The following INPP5D variants were observed in gnomAD, a reference collection of about 807,000 sequenced individuals.
The protein encoded by INPP5D is phosphatidylinositol 3,4,5-trisphosphate 5-phosphatase 1.
INPP5D carries 33 observed loss-of-function variants against 122.9 expected under a neutral mutation model. The ratio of observed to expected loss-of-function variants is 0.27; its 90% CI spans 0.20 to 0.36. INPP5D has a LOEUF of 0.36. INPP5D is among the 10% of genes least tolerant of loss of function. The pLI is 1.00. For synonymous variants in INPP5D, 584 were observed against 576.2 expected (o/e 1.01, Z -0.19); for missense variants, 1,053 against 1,412.7 (o/e 0.75, Z 4.08).
chr2:233,060,674 G>C (rs1691047321), intron 1 of INPP5D, 62 bp downstream of exon 1: 4 of 1,593,106 alleles, frequency 2.5e-6, no homozygotes, highest in South Asian at 2.2e-5. Context: ...AGGGGGCCCA[G>C]CTTTGAGATG....
At chr2:233,187,562 T>C (rs1301883260) in intron 21 of INPP5D, among the ~76,000 whole-genome samples, 1 of 152,162 alleles carries the variant, frequency 6.6e-6, no homozygotes, top group Non-Finnish European at 1.5e-5. Context: ...TGGAACCAAC[T>C]CTCAGGCCAT....
intron 9 of INPP5D, among the ~76,000 whole-genome samples, chr2:233,155,335 G>A (rs1400278120): frequency 6.6e-6 from 1 of 152,104 alleles, no homozygotes; most frequent in African/African-American, 2.4e-5. Flanking sequence ...TAAAAGACCA[G>A]ATCAGGGCTG....
At chr2:233,154,116 G>A (rs899072620) in intron 9 of INPP5D, among the ~76,000 whole-genome samples, 4 of 152,012 alleles carry the variant, frequency 2.6e-5, no homozygotes, top group African/African-American at 4.8e-5. Context: ...AGGAAACAGG[G>A]GACACAAAGA....
chr2:233,148,942 A>G (rs1693848603), intron 9 of INPP5D, among the ~76,000 whole-genome samples: 1 of 152,190 alleles, frequency 6.6e-6, no homozygotes, highest in South Asian at 2.1e-4. Context: ...GAGGCCCAGT[A>G]AAATTTGAAT....
Position 233,130,520 on chromosome 2 carries a change from G to A in INPP5D, c.537G>A (p.Glu179=), listed in dbSNP as rs1180756808. 1 of 1,613,434 alleles carries A rather than the reference G, an allele frequency of 6.2e-7. No individual in the cohort carries two copies. The highest frequency in any genetic ancestry group is 8.5e-7 in the Non-Finnish European group (1 of 1,179,780). Reference sequence around the variant, plus strand: ...TTCTTTTCTTTAGGCTTCCAGAAGAGCATCTTAAGGCCATCCAAGATTATT... The same window carrying A: ...TTCTTTTCTTTAGGCTTCCAGAAGAACATCTTAAGGCCATCCAAGATTATT... ...QSMDTSGLPE[E]HLKAIQDYLS... The change falls in exon 5 of 27, where the codon GAG becomes GAA. Residue 179 remains glutamate, a synonymous_variant. Coordinates refer to ENST00000445964, the MANE Select transcript of INPP5D (RefSeq NM_001017915.3).
chr2:233,205,909 T>A (rs1247665199), intron 26 of INPP5D, among the ~76,000 whole-genome samples: 1 of 151,982 alleles, frequency 6.6e-6, no homozygotes, highest in Non-Finnish European at 1.5e-5. Context: ...TGAAACCCTG[T>A]CTCTATTAAA....
Position 233,158,298 on chromosome 2 carries a change from T to C in INPP5D, c.1031-15T>C, listed in dbSNP as rs771606267. ...TGAGTGGATGAATGAATTAATGAAT[T>C]TCTTTTCTCTTAAGTCCTGCAGCTC... On this transcript the variant is annotated splice_polypyrimidine_tract_variant and intron_variant, in intron 9 of 26. Transcript: ENST00000445964. 10 of 697,570 alleles carry C rather than the reference T, an allele frequency of 1.4e-5. No individual in the cohort carries two copies. In the South Asian group the frequency reaches 1.5e-4, roughly 10 times the overall value. 43.2% of individuals were successfully genotyped at this position (697,570 alleles called of 1,614,324 possible). A position where few individuals can be genotyped will look rare whatever the true frequency, so the allele number is the denominator to read the frequency against.
At chr2:233,163,060 T>C (rs1256739003) in intron 11 of INPP5D, among the ~76,000 whole-genome samples, 1 of 152,154 alleles carries the variant, frequency 6.6e-6, no homozygotes, top group East Asian at 1.9e-4. Context: ...TTAGCCACAG[T>C]CCATTTACTC....
intron 21 of INPP5D, among the ~76,000 whole-genome samples, chr2:233,187,478 A>G (rs781408449): frequency 2.6e-5 from 4 of 152,292 alleles, no homozygotes; most frequent in Non-Finnish European, 4.4e-5. Context: ...CAGAGGGACC[A>G]TTCTCTCCTG....
rs536689097 is a variant in INPP5D, at chr2:233,158,806, C to T, written c.1137+387C>T. Among the ~76,000 whole-genome samples, 6 of 152,144 alleles carry T rather than the reference C, an allele frequency of 3.9e-5. No individual in the cohort carries two copies. In the South Asian group the frequency reaches 1.2e-3, roughly 32 times the overall value. On this transcript the variant is annotated intron_variant, in intron 10 of 26. Coordinates refer to ENST00000445964, the MANE Select transcript of INPP5D (RefSeq NM_001017915.3). ...TGATTGACTGACTGACTTGAGACAGCGTCTCGCTTTACCATCTAGGCTAGT... is the reference window on the plus strand; with the variant it reads ...TGATTGACTGACTGACTTGAGACAGTGTCTCGCTTTACCATCTAGGCTAGT...
At chr2:233,114,274 C>A (rs1426595510) in intron 2 of INPP5D, among the ~76,000 whole-genome samples, 1 of 152,266 alleles carries the variant, frequency 6.6e-6, no homozygotes, top group East Asian at 1.9e-4. Context: ...GACACCCATG[C>A]TCTGACCTTT....
Position 233,146,355 on chromosome 2 carries a change from T to C in INPP5D, c.835-12T>C, listed in dbSNP as rs1433729261. 2.8e-6 allele frequency: 2 copies of C among 704,300 alleles called. No individual in the cohort carries two copies. The highest frequency in any genetic ancestry group is 2.6e-6 in the Non-Finnish European group (1 of 385,004). 43.6% of individuals were successfully genotyped at this position (704,300 alleles called of 1,614,324 possible). The stretch of plus-strand genomic sequence containing the variant: ...CCCCTTGACCCTCTGTCTCTAACGC[T>C]GCTGCCCACAGGTCAAGGCCTTGCT... On this transcript the variant is annotated splice_polypyrimidine_tract_variant and intron_variant, in intron 7 of 26. Transcript: ENST00000445964.
Position 233,100,522 on chromosome 2 carries a change from C to T in INPP5D, c.198+21124C>T, listed in dbSNP as rs558927938. Among the ~76,000 whole-genome samples the T allele has an allele frequency of 9.7e-4, 148 of 152,286 alleles. No individual in the cohort carries two copies. Among genetic ancestry groups the T allele is most frequent in the Middle Eastern group, 3.4e-3 (1 of 294 alleles). ...TTACTCCCGGTGACAATCAGAATTCCCCCTGGCCTGCCCTCAGGTGTCCTG... is the reference window on the plus strand; with the variant it reads ...TTACTCCCGGTGACAATCAGAATTCTCCCTGGCCTGCCCTCAGGTGTCCTG... On this transcript the variant is annotated intron_variant, in intron 2 of 26. Coordinates refer to ENST00000445964, the MANE Select transcript of INPP5D (RefSeq NM_001017915.3). This position sits in a 1 kb window ranked among gnomAD's most constrained non-coding sequence, Gnocchi z 5.3.
At position 233,160,729 on chromosome 2, in the gene INPP5D, C is replaced by T. The variant is rs1180100285; in HGVS notation, c.1138-995C>T. 1.3e-5 allele frequency among the ~76,000 whole-genome samples: 2 copies of T among 151,690 alleles called. No homozygotes were observed. Among genetic ancestry groups the T allele is most frequent in the Non-Finnish European group, 2.9e-5 (2 of 67,914 alleles). Reference sequence around the variant, plus strand: ...GCTCACTGCAACCTCAACTTTCTGGCCTCAAGTAATCCTCCCACCTCAACC... The same window carrying T: ...GCTCACTGCAACCTCAACTTTCTGGTCTCAAGTAATCCTCCCACCTCAACC... On this transcript the variant is annotated intron_variant, in intron 10 of 26. Coordinates refer to ENST00000445964, the MANE Select transcript of INPP5D (RefSeq NM_001017915.3). This position sits in a 1 kb window ranked among gnomAD's most constrained non-coding sequence, Gnocchi z 4.2.
intron 5 of INPP5D, among the ~76,000 whole-genome samples, chr2:233,138,308 A>T (rs779939955): frequency 0.063 from 4,539 of 72,620 alleles, 154 homozygotes; most frequent in East Asian, 0.17. Context: ...TTGTCTAAAA[A>T]AAAAAAAAAA....
chr2:233,194,006 T>C, intron 23 of INPP5D, 45 bp downstream of exon 23: 1 of 1,527,678 alleles, frequency 6.5e-7, no homozygotes, highest in Non-Finnish European at 8.8e-7. Context: ...GCCCCCCACT[T>C]AGGGACGGGA....
At chr2:233,194,830 C>G (rs1695141741) in intron 23 of INPP5D, among the ~76,000 whole-genome samples, 1 of 151,682 alleles carries the variant, frequency 6.6e-6, no homozygotes, top group African/African-American at 2.4e-5. Flanking sequence ...TGGAGACAGT[C>G]TTACTCTGTA....
rs1218118240 is a variant in INPP5D at position 233,204,440 on chromosome 2, C to T, written c.3290C>T (p.Ala1097Val). The T allele has an allele frequency of 6.2e-7, 1 of 1,601,454 alleles. No individual in the cohort carries two copies. ...TCSSSAEGRA[A>V]GGDKSQGKPK... ...TCATCCTCTGCCGAGGGCAGGGCGGCCGGCGGGGACAAGAGCCAAGGGAAG... is the reference window on the plus strand; with the variant it reads ...TCATCCTCTGCCGAGGGCAGGGCGGTCGGCGGGGACAAGAGCCAAGGGAAG... The change falls in exon 26 of 27, where the codon GCC becomes GTC. Residue 1097 changes from alanine to valine, a missense_variant. Coordinates refer to ENST00000445964, the MANE Select transcript of INPP5D (RefSeq NM_001017915.3).
intron 1 of INPP5D, among the ~76,000 whole-genome samples, chr2:233,069,696 A>G (rs1691324686): frequency 6.6e-6 from 1 of 152,324 alleles, no homozygotes; most frequent in East Asian, 1.9e-4. Context: ...TAATGGATGT[A>G]CAGGATTCTA....
Sources: allele counts gnomAD v4.1 joint callset (sites outside exome capture counted in the v4.1 genomes callset), GRCh38; gene constraint gnomAD v4.1.1; non-coding constraint Gnocchi (gnomAD v3.1); transcripts MANE v1.5; gene names NCBI Gene and HGNC (gene_info 2026-07-23, HGNC 2026-07-21).